Variants in RAI1 observed in about 807,000 individuals in gnomAD.
RAI1 encodes the protein retinoic acid-induced protein 1.
RAI1 carries 9 observed loss-of-function variants against 123.8 expected under a neutral mutation model. That is an observed-to-expected ratio of 0.07 (90% CI 0.04 to 0.13). The LOEUF is 0.13. Ranked by LOEUF, RAI1 falls within the 10% of genes least tolerant of loss-of-function variation. RAI1 has a pLI of 1.00. For synonymous variants in RAI1, 1,231 were observed against 1,127.3 expected (o/e 1.09, Z -1.84); for missense variants, 2,256 against 2,545.8 (o/e 0.89, Z 2.45).
intron 1 of RAI1, among the ~76,000 whole-genome samples, chr17:17,689,018 C>T (rs1428462965): frequency 1.3e-5 from 2 of 151,298 alleles, no homozygotes; most frequent in Admixed American, 6.6e-5. Context: ...TGCAGTGGCT[C>T]GACCTCGGCT....
chr17:17,779,945 T>G (rs970640233), intron 2 of RAI1, among the ~76,000 whole-genome samples: 8 of 151,510 alleles, frequency 5.3e-5, no homozygotes, highest in African/African-American at 1.7e-4. Context: ...CCGGCTAATT[T>G]TTTGTATTTT....
chr17:17,731,867 G>T (rs977790993), intron 2 of RAI1, among the ~76,000 whole-genome samples: 6 of 152,218 alleles, frequency 3.9e-5, no homozygotes, highest in African/African-American at 1.4e-4. Context: ...TGAGAAGTAG[G>T]TGATGGTCCT....
intron 2 of RAI1, among the ~76,000 whole-genome samples, chr17:17,764,321 G>C (rs886111938): frequency 3.9e-5 from 6 of 152,248 alleles, no homozygotes; most frequent in Admixed American, 3.9e-4. Context: ...AAACACACTC[G>C]GGTATAACTG....
intron 2 of RAI1, among the ~76,000 whole-genome samples, chr17:17,763,725 G>A (rs1394105838): frequency 6.6e-6 from 1 of 152,222 alleles, no homozygotes; most frequent in Admixed American, 6.5e-5. Flanking sequence ...CACAAAGCCA[G>A]AGAGGTTGGG....
At position 17,795,647 on chromosome 17, in the gene RAI1, C is replaced by T. The variant is rs774579789; in HGVS notation, c.2699C>T (p.Thr900Ile). ...PLSPKAPLIC[T>I]KEEVEEVLDS... ...TCACCCAAGGCCCCACTCATCTGCA[C>T]CAAGGAGGAGGTGGAGGAGGTGCTG... The change falls in exon 3 of 6, where the codon ACC becomes ATC. Residue 900 changes from threonine to isoleucine, a missense_variant. Physicochemically the swap from Thr to Ile is moderately conservative, Grantham distance 89. This residue lies in a region of RAI1 where 566 missense variants were observed against 616.0 expected (regional missense o/e 0.92). Coordinates refer to ENST00000353383, the MANE Select transcript of RAI1 (RefSeq NM_030665.4). The surrounding 1 kb of genome is among the most constrained non-coding windows in gnomAD (Gnocchi z 5.9). 1 of 1,613,262 alleles carries T rather than the reference C, an allele frequency of 6.2e-7. No homozygotes were observed.
chr17:17,792,791 G>T, intron 2 of RAI1, 142 bp from the exon 3 acceptor site: 3 of 698,306 alleles, frequency 4.3e-6, no homozygotes, highest in Non-Finnish European at 7.5e-6. Flanking sequence ...CGGGGGAGCA[G>T]GCAGGGTGGG....
chr17:17,781,804 CT>C (rs930919455), intron 2 of RAI1, among the ~76,000 whole-genome samples: 31 of 152,214 alleles, frequency 2.0e-4, no homozygotes, highest in African/African-American at 7.2e-5. Context: ...AGGGAGGGAA[CT>C]GGAAATGGGG....
intron 1 of RAI1, among the ~76,000 whole-genome samples, chr17:17,688,937 GAA>G (rs749814013): frequency 2.0e-5 from 3 of 150,408 alleles, no homozygotes; most frequent in Non-Finnish European, 4.4e-5. Context: ...TTTGTATGTA[GAA>G]GAGATCACCA....
rs1408600854 is a variant in RAI1 at position 17,714,367 on chromosome 17, G to A, written c.-148-9661G>A. The stretch of plus-strand genomic sequence containing the variant: ...GCGTGGGTGGGCCTGTGCCCTGGTG[G>A]CATAACCAAGTAGGATTTCCACATT... On this transcript the variant is annotated intron_variant, in intron 1 of 5. Coordinates refer to ENST00000353383, the MANE Select transcript of RAI1 (RefSeq NM_030665.4). This position sits in a 1 kb window ranked among gnomAD's most constrained non-coding sequence, Gnocchi z 4.9. Among the ~76,000 whole-genome samples, 1 of 152,094 alleles carries A rather than the reference G, an allele frequency of 6.6e-6. No homozygotes were observed. Among genetic ancestry groups the A allele is most frequent in the African/African-American group, 2.4e-5 (1 of 41,428 alleles).
At chr17:17,758,393 C>A (rs1323390590) in intron 2 of RAI1, among the ~76,000 whole-genome samples, 1 of 152,202 alleles carries the variant, frequency 6.6e-6, no homozygotes, top group Non-Finnish European at 1.5e-5. Context: ...TAGGTGAAGA[C>A]AAGGGGCCCT....
Position 17,691,159 on chromosome 17 carries a change from G to T in RAI1, c.-149+9366G>T, listed in dbSNP as rs568070625. 2.8e-4 allele frequency among the ~76,000 whole-genome samples: 42 copies of T among 152,308 alleles called. No homozygotes were observed. In the South Asian group the frequency reaches 8.5e-3, roughly 31 times the overall value. On this transcript the variant is annotated intron_variant, in intron 1 of 5. Coordinates refer to ENST00000353383, the MANE Select transcript of RAI1 (RefSeq NM_030665.4). The stretch of plus-strand genomic sequence containing the variant: ...GGAGCAGTGGGTCTCATTCGGGGGC[G>T]ATCTTGTGTCTCAGGGGACACTGGG...
intron 1 of RAI1, among the ~76,000 whole-genome samples, chr17:17,706,919 T>C (rs1384647659): frequency 1.3e-5 from 2 of 152,232 alleles, no homozygotes; most frequent in Non-Finnish European, 1.5e-5. Context: ...GTTATTGAGA[T>C]CCTACTGTGA....
At chr17:17,703,812 G>C (rs1017344212) in intron 1 of RAI1, among the ~76,000 whole-genome samples, 3 of 152,158 alleles carry the variant, frequency 2.0e-5, no homozygotes, top group Non-Finnish European at 4.4e-5. Flanking sequence ...AGCTGGGACT[G>C]TTTTCAAACT....
chr17:17,741,054 T>C (rs1270567656), intron 2 of RAI1, among the ~76,000 whole-genome samples: 2 of 151,498 alleles, frequency 1.3e-5, no homozygotes, highest in East Asian at 3.9e-4. Flanking sequence ...GCATCCGGAG[T>C]GTGGTGACCA....
At chr17:17,748,223 A>G (rs2030002760) in intron 2 of RAI1, among the ~76,000 whole-genome samples, 1 of 152,212 alleles carries the variant, frequency 6.6e-6, no homozygotes, top group Non-Finnish European at 1.5e-5. Flanking sequence ...CAAAGTCTTT[A>G]CAGGCTGTTG....
In RAI1 at chr17:17,798,168, C is replaced by T; in HGVS notation, c.5220C>T (p.Leu1740=). The T allele has an allele frequency of 6.2e-7, 1 of 1,613,144 alleles. No individual in the cohort carries two copies. Among genetic ancestry groups the T allele is most frequent in the Non-Finnish European group, 8.5e-7 (1 of 1,180,012 alleles). ...EEASLPLERT[L]KGPECAAAAT... is the part of the protein sequence containing the mutation. ...CCTCGCTGCCGCTTGAGAGAACACT[C>T]AAAGGTCCCGAGTGTGCAGCTGCCG... is the stretch of plus-strand genomic sequence containing the variant. The change falls in exon 3 of 6, where the codon CTC becomes CTT. Residue 1740 remains leucine, a synonymous_variant. Transcript: ENST00000353383.
At chr17:17,765,652 G>C (rs949567316) in intron 2 of RAI1, among the ~76,000 whole-genome samples, 2 of 152,246 alleles carry the variant, frequency 1.3e-5, no homozygotes, top group South Asian at 4.1e-4. Context: ...CTCCCTGCAA[G>C]TCACCCGTTT....
Position 17,757,107 on chromosome 17 carries a change from C to T in RAI1, c.-17+32948C>T, listed in dbSNP as rs142531847. On this transcript the variant is annotated intron_variant, in intron 2 of 5. Coordinates refer to ENST00000353383, the MANE Select transcript of RAI1 (RefSeq NM_030665.4). ...GGGAGGGATAGGGTGGTGTCACATG[C>T]TTGGAGCGGGGTCCAGGGAGAGCTC... is the stretch of plus-strand genomic sequence containing the variant. Among the ~76,000 whole-genome samples, 32 of 152,260 alleles carry T rather than the reference C, an allele frequency of 2.1e-4. No homozygotes were observed. The East Asian group carries it at 6.2e-3, about 29-fold the overall frequency.
At chr17:17,783,518 G>T (rs1478024085) in intron 2 of RAI1, among the ~76,000 whole-genome samples, 2 of 152,134 alleles carry the variant, frequency 1.3e-5, no homozygotes, top group Non-Finnish European at 2.9e-5. Context: ...TGTCTTACAC[G>T]GCTGAAACAT....
Sources: gnomAD v4.1 joint callset for allele counts (sites outside exome capture counted in the v4.1 genomes callset) on GRCh38, gnomAD v4.1.1 for gene constraint, gnomAD v4.1.1 regional missense constraint, Gnocchi (gnomAD v3.1) non-coding constraint, MANE v1.5 for transcripts, NCBI Gene and HGNC (gene_info 2026-07-23, HGNC 2026-07-21) for gene names.